SNURF: variants seen among roughly 807,000 people sequenced by gnomAD.
SNURF encodes the protein SNURF protein.
A neutral mutation model predicts 11.6 loss-of-function variants in SNURF; 6 were observed. The ratio of observed to expected loss-of-function variants is 0.52; its 90% CI spans 0.28 to 1.02. SNURF has a LOEUF of 1.02. SNURF is among the 50% of genes least tolerant of loss of function. The pLI is 0.09. For synonymous variants in SNURF, 29 were observed against 31.6 expected (o/e 0.92, Z 0.27); for missense variants, 84 against 88.4 (o/e 0.95, Z 0.20).
chr15:24,957,401 G>T (rs1206719508), intron 1 of SNURF, among the ~76,000 whole-genome samples: 1 of 151,994 alleles, frequency 6.6e-6, no homozygotes, highest in Non-Finnish European at 1.5e-5. Flanking sequence ...GTCTTTTTTT[G>T]GATTTTTAAA....
At chr15:24,970,770 G>C (rs1411622263), downstream of SNURF, among the ~76,000 whole-genome samples, 1 of 152,106 alleles carries the variant, frequency 6.6e-6, no homozygotes, top group Non-Finnish European at 1.5e-5. Context: ...AAAATTAGTA[G>C]ACCATTAGTT....
downstream of SNURF, among the ~76,000 whole-genome samples, chr15:24,971,562 T>C (rs1264307189): frequency 6.6e-6 from 1 of 151,800 alleles, no homozygotes. Context: ...TATAAAATAA[T>C]AATCTGTCCC....
intron 1 of SNURF, among the ~76,000 whole-genome samples, chr15:24,958,198 CTTTG>C (rs901944150): frequency 6.6e-6 from 1 of 152,140 alleles, no homozygotes; most frequent in African/African-American, 2.4e-5. Flanking sequence ...TAATAAACAT[CTTTG>C]TTTTACAAAA....
At chr15:24,971,155 TAC>T (rs372077196), downstream of SNURF, among the ~76,000 whole-genome samples, 334 of 152,314 alleles carry the variant, frequency 2.2e-3, 2 homozygotes, top group African/African-American at 7.9e-3. Context: ...TTTGAAAGTC[TAC>T]AGTTTCCTAA....
downstream of SNURF, among the ~76,000 whole-genome samples, chr15:24,973,233 G>A (rs774099701): frequency 6.6e-6 from 1 of 151,996 alleles, no homozygotes; most frequent in Admixed American, 6.6e-5. Context: ...TAGTATGCAG[G>A]ATAGTAACAT....
intron 2 of SNURF, among the ~76,000 whole-genome samples, chr15:24,965,301 G>A (rs1256420769): frequency 1.3e-5 from 2 of 152,262 alleles, no homozygotes; most frequent in East Asian, 3.9e-4. Flanking sequence ...ACTTTGGGAG[G>A]CGAAGGTGGG....
downstream of SNURF, chr15:24,978,100 GT>G (rs1349607086): frequency 1.5e-6 from 2 of 1,359,082 alleles, no homozygotes; most frequent in African/African-American, 2.9e-5. Flanking sequence ...TATCATTGTT[GT>G]CTGGCCCATT....
chr15:24,974,565 C>CATCCAT, intron 3 of SNURF: 2 of 1,010,690 alleles, frequency 2.0e-6, no homozygotes, highest in Non-Finnish European at 3.2e-6. Flanking sequence ...AATAAGGATA[C>CATCCAT]ATCCATGGAT....
intron 1 of SNURF, among the ~76,000 whole-genome samples, chr15:24,958,498 T>G (rs1170454088): frequency 6.0e-5 from 8 of 132,424 alleles, no homozygotes; most frequent in Admixed American, 2.3e-4. Flanking sequence ...TTTTTTTTTT[T>G]TTTTTTTTTT....
chr15:24,963,715 G>A (rs895530912), intron 2 of SNURF, among the ~76,000 whole-genome samples: 6 of 151,910 alleles, frequency 3.9e-5, no homozygotes, highest in East Asian at 1.9e-4. Context: ...GTAGTAGTTT[G>A]TGTGTCTTTT....
chr15:24,969,242 C>G (rs2076088378), downstream of SNURF, among the ~76,000 whole-genome samples: 1 of 152,100 alleles, frequency 6.6e-6, no homozygotes, highest in Non-Finnish European at 1.5e-5. Context: ...GATTTTCCTG[C>G]CTCAGCCTCC....
downstream of SNURF, among the ~76,000 whole-genome samples, chr15:24,970,819 T>G: frequency 6.6e-6 from 1 of 152,222 alleles, no homozygotes; most frequent in East Asian, 1.9e-4. Flanking sequence ...TTTTTTTGTT[T>G]TTGTTAAATA....
rs10626759 is a variant in SNURF, at chr15:24,956,354, C to CGG, written c.14+1298_14+1299dup. Among the ~76,000 whole-genome samples, 182 of 138,218 alleles carry CGG rather than the reference C, an allele frequency of 1.3e-3. 6 individuals are homozygous for CGG. The highest frequency in any genetic ancestry group is 4.5e-3 in the African/African-American group (164 of 36,538). 90.7% of individuals were successfully genotyped at this position (138,218 alleles called of 152,430 possible). On this transcript the variant is annotated intron_variant, in intron 1 of 2. Transcript: ENST00000577949. Reference sequence around the variant, plus strand: ...GCTTAGATCTGCGCAAGCGCTTCAGCGGGGGGGTGGCCGCTTCCTCCCTGT... The same window carrying CGG: ...GCTTAGATCTGCGCAAGCGCTTCAGCGGGGGGGGGTGGCCGCTTCCTCCCTGT...
chr15:24,971,106 T>C (rs550453704), downstream of SNURF, among the ~76,000 whole-genome samples: 22 of 152,214 alleles, frequency 1.4e-4, no homozygotes, highest in Admixed American at 1.4e-3. Flanking sequence ...ATTTTACTTT[T>C]GAATTAAAGT....
downstream of SNURF, among the ~76,000 whole-genome samples, chr15:24,970,108 G>A (rs774755736): frequency 4.6e-5 from 7 of 152,236 alleles, no homozygotes; most frequent in East Asian, 1.9e-4. Context: ...AAGTATATAC[G>A]AAGTATACAT....
chr15:24,978,082 T>A, downstream of SNURF: 1 of 1,260,510 alleles, frequency 7.9e-7, no homozygotes, highest in Non-Finnish European at 1.1e-6. Context: ...ATAGAAGTTA[T>A]TTGACTCTAT....
intron 2 of SNURF, among the ~76,000 whole-genome samples, chr15:24,964,590 GC>G (rs1566962301): frequency 6.6e-6 from 1 of 152,056 alleles, no homozygotes; most frequent in East Asian, 1.9e-4. Flanking sequence ...GAGCCACTGC[GC>G]CCAGCCTCTC....
downstream of SNURF, among the ~76,000 whole-genome samples, chr15:24,969,055 T>A (rs941817202): frequency 1.3e-5 from 2 of 152,350 alleles, no homozygotes; most frequent in East Asian, 1.9e-4. Context: ...AGCCTTTTTT[T>A]AAGTCTGTTT....
chr15:24,973,489 C>T (rs560027354), downstream of SNURF, among the ~76,000 whole-genome samples: 8 of 152,232 alleles, frequency 5.3e-5, no homozygotes, highest in South Asian at 1.5e-3. Context: ...CCTCTGCCTC[C>T]CAGGTTCAAG....
Sources: allele counts gnomAD v4.1 joint callset (sites outside exome capture counted in the v4.1 genomes callset), GRCh38; gene constraint gnomAD v4.1.1; transcripts MANE v1.5; gene names NCBI Gene and HGNC (gene_info 2026-07-23, HGNC 2026-07-21).